Variants in CDC42SE2 observed in about 807,000 individuals in gnomAD.
CDC42SE2 encodes the protein CDC42 small effector protein 2.
A neutral mutation model predicts 11.5 loss-of-function variants in CDC42SE2; 3 were observed. The ratio of observed to expected loss-of-function variants is 0.26; its 90% confidence interval spans 0.12 to 0.67. CDC42SE2 has a LOEUF of 0.67. Ranked by LOEUF, CDC42SE2 falls within the 30% of genes least tolerant of loss-of-function variation. The probability of loss-of-function intolerance (pLI) is 0.80; values close to 1 mark genes in which losing one functional copy is unlikely to be tolerated. For synonymous variants in CDC42SE2, 33 were observed against 34.8 expected, an observed-to-expected ratio of 0.95 and a Z score of 0.18; for missense variants, 82 against 106.8, an observed-to-expected ratio of 0.77 and a Z score of 1.02.
chr5:131,387,272 G>C (rs887615570), intron 4 of CDC42SE2, among the ~76,000 whole-genome samples: 3 of 152,166 alleles, frequency 2.0e-5, no homozygotes. Context: ...TATAAGGCCA[G>C]GCACGGTGGC....
At chr5:131,221,789 T>G in the CDC42SE2 span, among the ~76,000 whole-genome samples, 1 of 152,210 alleles carries the variant, frequency 6.6e-6, no homozygotes, top group Non-Finnish European at 1.5e-5. Context: ...ATTGAATTCT[T>G]CTTTCTCATT....
At chr5:131,337,732 A>G (rs113717807) in intron 2 of CDC42SE2, among the ~76,000 whole-genome samples, 18 of 152,310 alleles carry the variant, frequency 1.2e-4, no homozygotes, top group African/African-American at 3.8e-4. Flanking sequence ...TGTGCTAGCA[A>G]TGAGCGAGGC....
the CDC42SE2 span, among the ~76,000 whole-genome samples, chr5:131,229,693 G>C: frequency 6.6e-6 from 1 of 152,162 alleles, no homozygotes; most frequent in Non-Finnish European, 1.5e-5. Context: ...CAGCACTTTG[G>C]GAGGCCAAGG....
At chr5:131,326,262 G>T (rs1033363871) in intron 2 of CDC42SE2, among the ~76,000 whole-genome samples, 1 of 152,018 alleles carries the variant, frequency 6.6e-6, no homozygotes, top group Admixed American at 6.5e-5. Flanking sequence ...CTGCCACTGC[G>T]CCTGCTAATT....
At chr5:131,340,523 G>A (rs895361075) in intron 2 of CDC42SE2, among the ~76,000 whole-genome samples, 3 of 152,052 alleles carry the variant, frequency 2.0e-5, no homozygotes, top group Non-Finnish European at 4.4e-5. Context: ...CTGGGTGAAG[G>A]ATACATGGGA....
intron 1 of CDC42SE2, among the ~76,000 whole-genome samples, chr5:131,297,483 G>C (rs1490001485): frequency 6.6e-6 from 1 of 152,026 alleles, no homozygotes; most frequent in African/African-American, 2.4e-5. Context: ...ACTTTGGGAG[G>C]CCGAGGCGGG....
chr5:131,311,272 A>C (rs28820009), intron 1 of CDC42SE2, among the ~76,000 whole-genome samples: 113,908 of 149,140 alleles, frequency 0.76, 43,909 homozygotes, highest in Middle Eastern at 0.81. Flanking sequence ...ATATTGGCCC[A>C]CACTCTCTTC....
chr5:131,282,225 T>C (rs969771624), intron 1 of CDC42SE2, among the ~76,000 whole-genome samples: 4 of 152,240 alleles, frequency 2.6e-5, no homozygotes, highest in African/African-American at 9.6e-5. Flanking sequence ...AGTCCATTTC[T>C]ACATTTCCTG....
At chr5:131,285,569 A>G (rs544752786) in intron 1 of CDC42SE2, among the ~76,000 whole-genome samples, 12 of 152,356 alleles carry the variant, frequency 7.9e-5, no homozygotes, top group African/African-American at 2.6e-4. Context: ...AATACAGGCA[A>G]TGCATATTTT....
chr5:131,345,318 T>C (rs974247178), intron 2 of CDC42SE2, among the ~76,000 whole-genome samples: 62 of 152,204 alleles, frequency 4.1e-4, no homozygotes, highest in Admixed American at 2.0e-3. Context: ...CATGACCTGA[T>C]GGAGCTGAAA....
the CDC42SE2 span, among the ~76,000 whole-genome samples, chr5:131,215,570 G>C: frequency 6.6e-6 from 1 of 152,208 alleles, no homozygotes; most frequent in South Asian, 2.1e-4. Flanking sequence ...GCTACTGACA[G>C]TCGCTCCTGA....
intron 1 of CDC42SE2, among the ~76,000 whole-genome samples, chr5:131,267,380 A>G (rs1756892448): frequency 6.6e-6 from 1 of 151,990 alleles, no homozygotes. Context: ...TTGTACCTTA[A>G]AAATACTAGT....
chr5:131,361,972 C>T (rs916110937), intron 3 of CDC42SE2, among the ~76,000 whole-genome samples: 3 of 152,150 alleles, frequency 2.0e-5, no homozygotes, highest in African/African-American at 7.2e-5. Context: ...ATGTGTCTGC[C>T]TGCTAGGGTC....
At chr5:131,253,897 C>G (rs1309398757) in intron 1 of CDC42SE2, among the ~76,000 whole-genome samples, 2 of 152,206 alleles carry the variant, frequency 1.3e-5, no homozygotes, top group Non-Finnish European at 2.9e-5. Flanking sequence ...CTCATAGTCA[C>G]TTTCAGTGTT....
At chr5:131,311,037 G>C (rs137878797) in intron 1 of CDC42SE2, among the ~76,000 whole-genome samples, 126,920 of 149,614 alleles carry the variant, frequency 0.85, 54,486 homozygotes, top group African/African-American at 0.97. Flanking sequence ...TTCCTAGTCT[G>C]GATGGTCTTT....
At chr5:131,389,515 T>C (rs941735894) in intron 4 of CDC42SE2, among the ~76,000 whole-genome samples, 2 of 152,220 alleles carry the variant, frequency 1.3e-5, no homozygotes, top group African/African-American at 4.8e-5. Context: ...ACACATTTTC[T>C]CATTAAGACT....
intron 3 of CDC42SE2, among the ~76,000 whole-genome samples, chr5:131,375,888 T>C (rs151332742): frequency 2.6e-5 from 4 of 152,246 alleles, no homozygotes; most frequent in African/African-American, 9.6e-5. Context: ...TTACCACCCA[T>C]GGGAAGGCTG....
chr5:131,354,901 T>G (rs1219548563), intron 2 of CDC42SE2: 1 of 152,204 alleles, frequency 6.6e-6, no homozygotes, highest in Non-Finnish European at 1.5e-5. Flanking sequence ...TAGGCTAGTC[T>G]CGAACTCTTG....
At position 131,327,239 on chromosome 5, in the gene CDC42SE2, T is replaced by C. The variant is rs747717824; in HGVS notation, c.-286+11095T>C. Among the ~76,000 whole-genome samples, 71 of 152,172 alleles carry C rather than the reference T, an allele frequency of 4.7e-4. 1 individual carries two copies. The highest frequency in any genetic ancestry group is 1.0e-4 in the Non-Finnish European group (7 of 68,026). ...GTTTACTTCTGTATATTTCTTACTTTTAAAATGGCTTTTTCTTCCCCTAAA... is the reference window on the plus strand; with the variant it reads ...GTTTACTTCTGTATATTTCTTACTTCTAAAATGGCTTTTTCTTCCCCTAAA... On this transcript the variant is annotated intron_variant, in intron 2 of 4. Transcript: ENST00000505065.
Sources: allele counts gnomAD v4.1 joint callset (sites outside exome capture counted in the v4.1 genomes callset), GRCh38; gene constraint gnomAD v4.1.1; transcripts MANE v1.5; gene names NCBI Gene and HGNC (gene_info 2026-07-23, HGNC 2026-07-21).